MSRB3: variants seen among roughly 807,000 people sequenced by gnomAD.
MSRB3 encodes the protein methionine sulfoxide reductase B3, also known as methionine-R-sulfoxide reductase B3.
MSRB3 carries 13 observed loss-of-function variants against 21.0 expected under a neutral mutation model. The ratio of observed to expected loss-of-function variants is 0.62; its 90% CI spans 0.40 to 0.98. The LOEUF (loss-of-function observed/expected upper bound fraction) is 0.98, where lower values mean the gene tolerates loss of function less well. MSRB3 is among the 50% of genes least tolerant of loss of function. The pLI, the probability that MSRB3 is intolerant of heterozygous loss-of-function variation, is 0.00. For missense variants in MSRB3, 199 were observed against 230.3 expected (o/e 0.86, Z 0.88); for synonymous variants, 87 against 88.6 (o/e 0.98, Z 0.10).
chr12:65,291,943 G>A lies in MSRB3; in HGVS notation c.-52+13078G>A, dbSNP rs1872687918. On this transcript the variant is annotated intron_variant, in intron 1 of 6. Transcript: ENST00000308259. ...CCAGCTGCTTTGTGTTGAACGGATTGTAGGGGCCAAGAGTGGAGGCAGTAA... is the reference window on the plus strand; with the variant it reads ...CCAGCTGCTTTGTGTTGAACGGATTATAGGGGCCAAGAGTGGAGGCAGTAA... Among the ~76,000 whole-genome samples the A allele has an allele frequency of 3.9e-5, 6 of 152,182 alleles. No individual in the cohort carries two copies. The South Asian group carries it at 1.2e-3, about 31-fold the overall frequency.
At chr12:65,398,912 G>A (rs1221784548) in intron 5 of MSRB3, among the ~76,000 whole-genome samples, 2 of 152,136 alleles carry the variant, frequency 1.3e-5, no homozygotes, top group African/African-American at 2.4e-5. Context: ...AGATCAGAGG[G>A]TTGTAGGTGT....
At chr12:65,323,408 A>C (rs1348666676) in intron 2 of MSRB3, among the ~76,000 whole-genome samples, 3 of 152,264 alleles carry the variant, frequency 2.0e-5, no homozygotes, top group Non-Finnish European at 4.4e-5. Context: ...TTACTCTGTA[A>C]GGAACGGTGT....
intron 2 of MSRB3, among the ~76,000 whole-genome samples, chr12:65,326,444 C>T (rs1875033645): frequency 6.6e-6 from 1 of 151,898 alleles, no homozygotes; most frequent in Non-Finnish European, 1.5e-5. Context: ...ACATAATATG[C>T]CCATCATTTT....
At chr12:65,409,282 T>G (rs1880592458) in intron 5 of MSRB3, among the ~76,000 whole-genome samples, 1 of 152,106 alleles carries the variant, frequency 6.6e-6, no homozygotes, top group South Asian at 2.1e-4. Flanking sequence ...ATTTTGTCAT[T>G]GTGCAAACAT....
chr12:65,296,625 G>T (rs73117800), intron 1 of MSRB3, among the ~76,000 whole-genome samples: 9,547 of 152,228 alleles, frequency 0.063, 398 homozygotes, highest in East Asian at 0.19. Context: ...ATACTGCACT[G>T]CCTAGACAGC....
At chr12:65,300,704 T>C (rs993583705) in intron 1 of MSRB3, among the ~76,000 whole-genome samples, 1 of 152,218 alleles carries the variant, frequency 6.6e-6, no homozygotes, top group African/African-American at 2.4e-5. Context: ...AGTTCTTCTT[T>C]GTACTGTTTG....
intron 5 of MSRB3, among the ~76,000 whole-genome samples, chr12:65,376,571 A>G (rs1878636404): frequency 6.6e-6 from 1 of 152,086 alleles, no homozygotes; most frequent in African/African-American, 2.4e-5. Flanking sequence ...CTGCTAAACT[A>G]ACACAGGAAC....
chr12:65,355,088 C>G (rs2136505229), intron 4 of MSRB3, among the ~76,000 whole-genome samples: 1 of 151,800 alleles, frequency 6.6e-6, no homozygotes, highest in Non-Finnish European at 1.5e-5. Flanking sequence ...GGTTAAAGAA[C>G]ATGTAGGATA....
At position 65,466,587 on chromosome 12, in the gene MSRB3, GTT is replaced by G. The variant is rs1883584544; in HGVS notation, c.*3266_*3267del. 1 of 152,262 alleles carries G rather than the reference GTT, an allele frequency of 6.6e-6. No individual in the cohort carries two copies. The highest frequency in any genetic ancestry group is 2.1e-4 in the South Asian group (1 of 4,824). 9.4% of individuals were successfully genotyped at this position (152,262 alleles called of 1,614,324 possible). A position where few individuals can be genotyped will look rare whatever the true frequency, so the allele number is the denominator to read the frequency against. On this transcript the variant is annotated 3_prime_UTR_variant, in exon 7 of 7. Coordinates refer to ENST00000308259, the MANE Select transcript of MSRB3 (RefSeq NM_001031679.3). The stretch of plus-strand genomic sequence containing the variant: ...GGATCTGAAGAAAGCAGCAATATCT[GTT>G]ACTAGAGAACATTCCCATGTGTTTA...
At chr12:65,439,361 G>A (rs1368521133) in intron 5 of MSRB3, among the ~76,000 whole-genome samples, 1 of 151,628 alleles carries the variant, frequency 6.6e-6, no homozygotes, top group Admixed American at 6.6e-5. Flanking sequence ...CTCTCTCTCA[G>A]ATTGAGACAT....
In MSRB3 at chr12:65,340,513, A is replaced by T. The variant is rs557197309; in HGVS notation, c.263+11910A>T. On this transcript the variant is annotated intron_variant, in intron 4 of 6. Coordinates refer to ENST00000308259, the MANE Select transcript of MSRB3 (RefSeq NM_001031679.3). ...AGATTGAGAAAGTGCTTGAAATCTG[A>T]AACAGGATGAATAACCATATCTTAT... Among the ~76,000 whole-genome samples the T allele has an allele frequency of 1.6e-3, 247 of 152,286 alleles. 1 individual carries two copies. Among genetic ancestry groups the T allele is most frequent in the African/African-American group, 5.7e-3 (237 of 41,570 alleles).
intron 4 of MSRB3, 78 bp from the exon 5 acceptor site, chr12:65,368,918 ACC>A: frequency 2.0e-6 from 1 of 511,336 alleles, no homozygotes; most frequent in Non-Finnish European, 3.5e-6. Context: ...TCCCCTCCCA[ACC>A]ACACCCCCCC....
Position 65,308,550 on chromosome 12 carries a change from T to A in MSRB3, c.-30T>A. On this transcript the variant is annotated 5_prime_UTR_variant, in exon 2 of 7. Coordinates refer to ENST00000308259, the MANE Select transcript of MSRB3 (RefSeq NM_001031679.3). ...TCAGCTCTTGCCCCTGTTCTTTGCT[T>A]CTCGTTTTGTTGGTGAAGATATCAC... 7 of 1,613,836 alleles carry A rather than the reference T, an allele frequency of 4.3e-6. No individual in the cohort carries two copies. The highest frequency in any genetic ancestry group is 5.1e-6 in the Non-Finnish European group (6 of 1,179,814).
chr12:65,293,141 A>G (rs1367270115), intron 1 of MSRB3, among the ~76,000 whole-genome samples: 9 of 152,068 alleles, frequency 5.9e-5, no homozygotes, highest in Non-Finnish European at 1.0e-4. Flanking sequence ...TGGTACTGCT[A>G]TTTGCCCAGT....
At chr12:65,404,784 T>C (rs528098009) in intron 5 of MSRB3, among the ~76,000 whole-genome samples, 12 of 152,302 alleles carry the variant, frequency 7.9e-5, no homozygotes, top group Admixed American at 4.6e-4. Flanking sequence ...CTACTCTCTT[T>C]GCAATTTTCT....
intron 1 of MSRB3, among the ~76,000 whole-genome samples, chr12:65,298,936 C>A (rs1873147409): frequency 6.6e-6 from 1 of 152,104 alleles, no homozygotes; most frequent in Admixed American, 6.6e-5. Flanking sequence ...GCTTGCATTA[C>A]CAGGTTTTTT....
intron 5 of MSRB3, among the ~76,000 whole-genome samples, chr12:65,398,918 G>A (rs766958193): frequency 1.3e-5 from 2 of 152,098 alleles, no homozygotes; most frequent in African/African-American, 2.4e-5. Flanking sequence ...GAGGGTTGTA[G>A]GTGTGTGGCG....
chr12:65,419,712 G>T (rs1335567559), intron 5 of MSRB3: 2 of 819,868 alleles, frequency 2.4e-6, no homozygotes, highest in African/African-American at 1.7e-5. Flanking sequence ...TCCAGTTCTT[G>T]GTCTCTGGGC....
In MSRB3 at chr12:65,448,016, C is replaced by T. The variant is rs77401239; in HGVS notation, c.293-5712C>T. On this transcript the variant is annotated intron_variant, in intron 5 of 6. Transcript: ENST00000308259. ...GAAAATCAATTTGATTTTCGGTCTCCTAGGATTACTTGTTGCAGTAAGGAT... is the reference window on the plus strand; with the variant it reads ...GAAAATCAATTTGATTTTCGGTCTCTTAGGATTACTTGTTGCAGTAAGGAT... Among the ~76,000 whole-genome samples the T allele has an allele frequency of 3.2e-3, 494 of 152,046 alleles. 8 individuals are homozygous for T. Among genetic ancestry groups the T allele is most frequent in the African/African-American group, 0.012 (478 of 41,484 alleles).
Sources: gnomAD v4.1 joint callset for allele counts (sites outside exome capture counted in the v4.1 genomes callset) on GRCh38, gnomAD v4.1.1 for gene constraint, MANE v1.5 for transcripts, NCBI Gene and HGNC (gene_info 2026-07-23, HGNC 2026-07-21) for gene names.